The following NDST3 variants were observed in gnomAD, a reference collection of about 807,000 sequenced individuals.
NDST3 encodes bifunctional heparan sulfate N-deacetylase/N-sulfotransferase 3.
Under a neutral mutation model 96.1 loss-of-function variants are expected in NDST3, and 58 were observed. The ratio of observed to expected loss-of-function variants is 0.60; its 90% CI spans 0.49 to 0.75. NDST3 has a LOEUF of 0.75. NDST3 is among the 30% of genes least tolerant of loss of function. NDST3 has a pLI of 0.00. For missense variants in NDST3, 788 were observed against 1,034.2 expected (o/e 0.76, Z 3.27); for synonymous variants, 333 against 359.7 (o/e 0.93, Z 0.84).
At chr4:118,235,357 C>A (rs2126002060) in intron 9 of NDST3, among the ~76,000 whole-genome samples, 1 of 152,236 alleles carries the variant, frequency 6.6e-6, no homozygotes, top group African/African-American at 2.4e-5. Context: ...GAACATCTTT[C>A]AAATGCCTGT....
intron 10 of NDST3, among the ~76,000 whole-genome samples, chr4:118,238,215 G>A (rs757952668): frequency 0.011 from 1,310 of 120,224 alleles, 26 homozygotes; most frequent in Middle Eastern, 0.092. Flanking sequence ...AAGAAAGAAA[G>A]AAAGAAAGAA....
At chr4:118,209,467 T>A (rs572631773) in intron 6 of NDST3, among the ~76,000 whole-genome samples, 1 of 152,204 alleles carries the variant, frequency 6.6e-6, no homozygotes, top group Non-Finnish European at 1.5e-5. Context: ...ACTGGAGATG[T>A]TCTCATGACA....
chr4:118,045,592 A>G (rs1425584324), intron 1 of NDST3, among the ~76,000 whole-genome samples: 2 of 152,192 alleles, frequency 1.3e-5, no homozygotes, highest in Non-Finnish European at 2.9e-5. Context: ...ATATCCTACA[A>G]TTCTATTCTA....
intron 12 of NDST3, among the ~76,000 whole-genome samples, chr4:118,249,699 A>G (rs1416074559): frequency 6.6e-6 from 1 of 151,410 alleles, no homozygotes; most frequent in Non-Finnish European, 1.5e-5. Flanking sequence ...TAAATTCTAC[A>G]AGATTAACTA....
intron 4 of NDST3, among the ~76,000 whole-genome samples, chr4:118,134,761 C>T (rs1192727561): frequency 3.3e-5 from 5 of 152,092 alleles, no homozygotes; most frequent in Non-Finnish European, 5.9e-5. Context: ...GATCCAAATA[C>T]TTCATTTACG....
chr4:118,112,766 C>T (rs1730745239), intron 3 of NDST3, among the ~76,000 whole-genome samples: 1 of 152,156 alleles, frequency 6.6e-6, no homozygotes, highest in Admixed American at 6.5e-5. Context: ...TTGGGATCAT[C>T]AGAGTTTCTA....
At chr4:118,253,831 C>A (rs1440044069) in intron 13 of NDST3, among the ~76,000 whole-genome samples, 1 of 152,138 alleles carries the variant, frequency 6.6e-6, no homozygotes, top group Non-Finnish European at 1.5e-5. Context: ...TGAATAAGAA[C>A]AAAGAGATAA....
At chr4:118,104,611 ATC>A (rs1266551504) in intron 2 of NDST3, among the ~76,000 whole-genome samples, 5 of 152,130 alleles carry the variant, frequency 3.3e-5, no homozygotes, top group South Asian at 2.1e-4. Context: ...CTGAGAAATA[ATC>A]TGTTTCTTTC....
At chr4:118,048,684 C>T (rs186654879) in intron 1 of NDST3, among the ~76,000 whole-genome samples, 169 of 152,148 alleles carry the variant, frequency 1.1e-3, no homozygotes, top group African/African-American at 3.8e-3. Context: ...CTTAACTATC[C>T]TAAATATATA....
Position 118,240,635 on chromosome 4 carries a change from G to C in NDST3, c.2230G>C (p.Val744Leu), listed in dbSNP as rs768783584. The change falls in exon 11 of 14, where the codon GTC becomes CTC. Residue 744 changes from valine (V) to leucine (L), a missense_variant. By Grantham distance (32) the Val-to-Leu change is conservative. Transcript: ENST00000296499. ...CAGAGCCTTGCAGAAGAGATGTTTG[G>C]TCCCGGGGTGGTATGCCAGCCACAT... is the stretch of plus-strand genomic sequence containing the variant. Reference protein sequence around the residue: ...ELRALQKRCLVPGWYASHIER... With the variant: ...ELRALQKRCLLPGWYASHIER... The C allele has an allele frequency of 4.3e-6, 7 of 1,613,756 alleles. No homozygotes were observed. In the East Asian group the frequency reaches 1.3e-4, roughly 31 times the overall value.
At chr4:118,107,990 C>A (rs1730339560) in intron 3 of NDST3, among the ~76,000 whole-genome samples, 1 of 152,164 alleles carries the variant, frequency 6.6e-6, no homozygotes, top group Non-Finnish European at 1.5e-5. Flanking sequence ...GGAGGCCTCA[C>A]AATCATGGCG....
intron 6 of NDST3, among the ~76,000 whole-genome samples, chr4:118,145,071 A>C (rs1733845817): frequency 6.6e-6 from 1 of 152,252 alleles, no homozygotes; most frequent in Non-Finnish European, 1.5e-5. Context: ...GATCCCAAAA[A>C]TACAAATAAG....
intron 1 of NDST3, among the ~76,000 whole-genome samples, chr4:118,040,883 TTA>T (rs1341299745): frequency 6.1e-4 from 87 of 141,874 alleles, no homozygotes; most frequent in African/African-American, 1.3e-3. Context: ...ATATATATAT[TTA>T]TATATATATA....
Position 118,057,342 on chromosome 4 carries a change from G to C in NDST3, c.981+2451G>C, listed in dbSNP as rs1002723264. 2.6e-5 allele frequency among the ~76,000 whole-genome samples: 4 copies of C among 152,016 alleles called. No homozygotes were observed. In the South Asian group the frequency reaches 8.3e-4, roughly 31 times the overall value. On this transcript the variant is annotated intron_variant, in intron 2 of 13. Coordinates refer to ENST00000296499, the MANE Select transcript of NDST3 (RefSeq NM_004784.3). Reference sequence around the variant, plus strand: ...TTTATTAAAGTCCATGTGGGATGCAGAGCATTTCACAGGTAGTTGCCTCAC... The same window carrying C: ...TTTATTAAAGTCCATGTGGGATGCACAGCATTTCACAGGTAGTTGCCTCAC...
At chr4:118,227,650 C>T (rs1234133756) in intron 8 of NDST3, among the ~76,000 whole-genome samples, 2 of 140,560 alleles carry the variant, frequency 1.4e-5, no homozygotes, top group Non-Finnish European at 1.5e-5. Context: ...CTCGCTCTGT[C>T]ACCCAGGCTG....
intron 13 of NDST3, among the ~76,000 whole-genome samples, chr4:118,254,602 A>G (rs1027758800): frequency 1.3e-5 from 2 of 152,132 alleles, no homozygotes; most frequent in African/African-American, 2.4e-5. Context: ...TAATATTTTT[A>G]TTTATTATTA....
chr4:118,232,586 C>T (rs1397539623), intron 8 of NDST3, among the ~76,000 whole-genome samples: 1 of 150,118 alleles, frequency 6.7e-6, no homozygotes, highest in Non-Finnish European at 1.5e-5. Flanking sequence ...TGTAGTGAGC[C>T]ATGATTGCAC....
At chr4:118,233,467 A>G (rs1221291327) in intron 9 of NDST3, among the ~76,000 whole-genome samples, 1 of 152,188 alleles carries the variant, frequency 6.6e-6, no homozygotes, top group Admixed American at 6.5e-5. Flanking sequence ...AAATTTTCAT[A>G]TATTTTTCTT....
At chr4:118,194,774 G>A (rs765570728) in intron 6 of NDST3, 4 of 429,242 alleles carry the variant, frequency 9.3e-6, no homozygotes, top group Non-Finnish European at 1.7e-5. Flanking sequence ...CACCCTTTCT[G>A]GGAGCTGGCA....
Sources: gnomAD v4.1 joint callset for allele counts (sites outside exome capture counted in the v4.1 genomes callset) on GRCh38, gnomAD v4.1.1 for gene constraint, MANE v1.5 for transcripts, NCBI Gene and HGNC (gene_info 2026-07-23, HGNC 2026-07-21) for gene names.